CALCRL: variants seen among roughly 807,000 people sequenced by gnomAD.
CALCRL encodes the protein calcitonin gene-related peptide type 1 receptor.
A neutral mutation model predicts 60.4 loss-of-function variants in CALCRL; 27 were observed. The ratio of observed to expected loss-of-function variants is 0.45; its 90% CI spans 0.33 to 0.62. The LOEUF (loss-of-function observed/expected upper bound fraction) is 0.62, where lower values mean the gene tolerates loss of function less well. Ranked by LOEUF, CALCRL falls within the 20% of genes least tolerant of loss-of-function variation. The pLI, the probability that CALCRL is intolerant of heterozygous loss-of-function variation, is 0.03. For synonymous variants in CALCRL, 190 were observed against 182.6 expected, an observed-to-expected ratio of 1.04 and a Z score of -0.33; for missense variants, 424 against 540.7, an observed-to-expected ratio of 0.78 and a Z score of 2.14.
chr2:187,397,081 AAATAAAATTAGAT>A (rs1688688349), intron 1 of CALCRL, among the ~76,000 whole-genome samples: 1 of 151,754 alleles, frequency 6.6e-6, no homozygotes, highest in Non-Finnish European at 1.5e-5. Flanking sequence ...AGCTATTGTA[AAATAAAATTAGAT>A]AATACAAACT....
chr2:187,407,304 G>A (rs1021984822), intron 1 of CALCRL, among the ~76,000 whole-genome samples: 5 of 151,868 alleles, frequency 3.3e-5, no homozygotes, highest in African/African-American at 4.8e-5. Flanking sequence ...TATACTTTAC[G>A]AAGTCTGATC....
At chr2:187,422,950 A>C (rs1051170881) in intron 1 of CALCRL, among the ~76,000 whole-genome samples, 3 of 152,022 alleles carry the variant, frequency 2.0e-5, no homozygotes, top group Non-Finnish European at 4.4e-5. Flanking sequence ...GTCTACTAGA[A>C]GATATAAATA....
chr2:187,364,100 T>C (rs1036146290), intron 8 of CALCRL, among the ~76,000 whole-genome samples: 1 of 152,108 alleles, frequency 6.6e-6, no homozygotes, highest in African/African-American at 2.4e-5. Flanking sequence ...GGTGCAGCCA[T>C]ATATAAGGTA....
intron 1 of CALCRL, among the ~76,000 whole-genome samples, chr2:187,411,739 G>A (rs756219723): frequency 7.2e-5 from 11 of 152,044 alleles, no homozygotes; most frequent in African/African-American, 1.4e-4. Context: ...CATCCTGCCT[G>A]TAATCCCAGA....
In CALCRL at chr2:187,344,061, TAGA is replaced by T. The variant is rs1008717244; in HGVS notation, c.*2120_*2122del. ...GATGGTTGAGAGTTGACAGTTTGTC[TAGA>T]AGAAGGCTGATATATGTCAACATGG... is the stretch of plus-strand genomic sequence containing the variant. On this transcript the variant is annotated 3_prime_UTR_variant, in exon 15 of 15. Coordinates refer to ENST00000392370, the MANE Select transcript of CALCRL (RefSeq NM_005795.6). The T allele has an allele frequency of 6.6e-6, 1 of 151,658 alleles. No homozygotes were observed. The highest frequency in any genetic ancestry group is 2.4e-5 in the African/African-American group (1 of 41,404). The allele number at this position is 151,658 out of a possible 1,614,324, so 9.4% of individuals were successfully genotyped here.
At chr2:187,422,600 A>G (rs937834163) in intron 1 of CALCRL, among the ~76,000 whole-genome samples, 3 of 152,132 alleles carry the variant, frequency 2.0e-5, no homozygotes, top group African/African-American at 7.2e-5. Context: ...TATAGTAAAT[A>G]TCACAGAATG....
At chr2:187,442,573 G>A (rs1418265185) in intron 1 of CALCRL, among the ~76,000 whole-genome samples, 2 of 151,478 alleles carry the variant, frequency 1.3e-5, no homozygotes, top group Non-Finnish European at 2.9e-5. Context: ...TCTTCCATTA[G>A]GTGGCAGTAA....
At chr2:187,383,490 C>A (rs1688068831) in intron 4 of CALCRL, among the ~76,000 whole-genome samples, 185 bp from the exon 5 acceptor site, 1 of 152,080 alleles carries the variant, frequency 6.6e-6, no homozygotes, top group Admixed American at 6.5e-5. Flanking sequence ...ATATCCCCAC[C>A]ATGTCCAATT....
intron 9 of CALCRL, among the ~76,000 whole-genome samples, chr2:187,361,703 G>T (rs1013725958): frequency 1.3e-5 from 2 of 151,810 alleles, no homozygotes; most frequent in Non-Finnish European, 2.9e-5. Context: ...CCTATGAGGT[G>T]TACATTATCA....
chr2:187,372,494 A>G (rs1687574421), intron 8 of CALCRL, among the ~76,000 whole-genome samples: 1 of 151,990 alleles, frequency 6.6e-6, no homozygotes, highest in Non-Finnish European at 1.5e-5. Context: ...AATTGGCTCT[A>G]ATATAAAACT....
chr2:187,443,749 A>G (rs1691037065), intron 1 of CALCRL, among the ~76,000 whole-genome samples: 1 of 151,646 alleles, frequency 6.6e-6, no homozygotes, highest in African/African-American at 2.4e-5. Context: ...TTCTTTTCCC[A>G]TGGTTTTAAC....
At chr2:187,429,594 T>C (rs898761476) in intron 1 of CALCRL, among the ~76,000 whole-genome samples, 1 of 152,236 alleles carries the variant, frequency 6.6e-6, no homozygotes, top group Non-Finnish European at 1.5e-5. Context: ...CAAACTAATA[T>C]GATGGCAAAC....
chr2:187,423,362 GTT>G (rs77362361), intron 1 of CALCRL, among the ~76,000 whole-genome samples: 5 of 142,074 alleles, frequency 3.5e-5, no homozygotes, highest in African/African-American at 7.7e-5. Flanking sequence ...TGTATGTATG[GTT>G]TTTTTTTTTT....
At position 187,387,665 on chromosome 2, in the gene CALCRL, C is replaced by G; in HGVS notation, c.-202+1G>C. ...AGAAAATTTAATTTCCCAATACTTA[C>G]ATGCACAATTGTCTCCAGTCTCAAA... On this transcript the variant is annotated splice_donor_variant, in intron 2 of 14. Coordinates refer to ENST00000392370, the MANE Select transcript of CALCRL (RefSeq NM_005795.6). LOFTEE classifies it low-confidence loss of function (5UTR_SPLICE). 1 of 396,718 alleles carries G rather than the reference C, an allele frequency of 2.5e-6. No homozygotes were observed. The allele number at this position is 396,718 out of a possible 1,614,324, so 24.6% of individuals were successfully genotyped here.
In CALCRL at chr2:187,387,730, G is replaced by C. The variant is rs1688266051; in HGVS notation, c.-266C>G. On this transcript the variant is annotated 5_prime_UTR_variant, in exon 2 of 15. Coordinates refer to ENST00000392370, the MANE Select transcript of CALCRL (RefSeq NM_005795.6). ...GGATCATATTTGACATTGTCTTTAA[G>C]AATTTCTTAAATTCAGGGGTCAAGA... The C allele has an allele frequency of 2.5e-6, 1 of 396,776 alleles. No homozygotes were observed. The highest frequency in any genetic ancestry group is 3.6e-5 in the East Asian group (1 of 27,798). 24.6% of individuals were successfully genotyped at this position (396,776 alleles called of 1,614,324 possible). A position where few individuals can be genotyped will look rare whatever the true frequency, so the allele number is the denominator to read the frequency against.
rs768399121 is a variant in CALCRL at position 187,360,744 on chromosome 2, C to T, written c.635G>A (p.Cys212Tyr). The change falls in exon 10 of 15, where the codon TGC (cysteine) becomes TAC (tyrosine). Residue 212 changes from cysteine (C) to tyrosine (Y), a missense_variant. By Grantham distance (194) the Cys-to-Tyr change is radical (BLOSUM62 -2). This residue lies in a region of CALCRL where 43 missense variants were observed against 40.9 expected (regional missense o/e 1.05). Transcript: ENST00000392370. ...QALVATNPVS[C>Y]KVSQFIHLYL... is the part of the protein sequence containing the mutation. ...AAGATGAATGAACTGGGACACTTTG[C>T]AACTAACCTGTGAGGAAAAAAAAAA... 2 of 1,595,294 alleles carry T rather than the reference C, an allele frequency of 1.3e-6. No individual in the cohort carries two copies. Among genetic ancestry groups the T allele is most frequent in the Non-Finnish European group, 1.7e-6 (2 of 1,173,880 alleles).
In CALCRL at chr2:187,359,247, T is replaced by C. The variant is rs549322846; in HGVS notation, c.807A>G (p.Ile269Met). ...AATATAAGCTTCTAGCAATGGCATG[T>C]ATACAAGCAGGAATCAGTGGAAATC... ...GWGFPLIPAC[I>M]HAIARSLYYN... The change falls in exon 11 of 15, where the codon ATA (isoleucine) becomes ATG (methionine). Residue 269 changes from isoleucine (I) to methionine (M), a missense_variant. Ile to Met is a conservative substitution (Grantham distance 10). Transcript: ENST00000392370. 53 of 1,579,722 alleles carry C rather than the reference T, an allele frequency of 3.4e-5. No individual in the cohort carries two copies. The South Asian group carries it at 5.6e-4, about 17-fold the overall frequency.
chr2:187,347,662 C>T (rs1686343448), intron 14 of CALCRL, among the ~76,000 whole-genome samples: 1 of 151,366 alleles, frequency 6.6e-6, no homozygotes, highest in Non-Finnish European at 1.5e-5. Flanking sequence ...CACACAAAAC[C>T]TCAATTCCTC....
rs1233488000 is a variant in CALCRL at position 187,345,245 on chromosome 2, A to G, written c.*939T>C. 2 of 152,246 alleles carry G rather than the reference A, an allele frequency of 1.3e-5. No individual in the cohort carries two copies. The highest frequency in any genetic ancestry group is 1.9e-4 in the East Asian group (1 of 5,198). 9.4% of individuals were successfully genotyped at this position (152,246 alleles called of 1,614,324 possible). On this transcript the variant is annotated 3_prime_UTR_variant, in exon 15 of 15. Coordinates refer to ENST00000392370, the MANE Select transcript of CALCRL (RefSeq NM_005795.6). ...TTGATTTGAGACTATAAAATAAAAT[A>G]ATGGAGTATTTACAAGCTCATTTTT...
Sources: gnomAD v4.1 joint callset for allele counts (sites outside exome capture counted in the v4.1 genomes callset) on GRCh38, gnomAD v4.1.1 for gene constraint, gnomAD v4.1.1 regional missense constraint, MANE v1.5 for transcripts, NCBI Gene and HGNC (gene_info 2026-07-23, HGNC 2026-07-21) for gene names.